IFRD1: variants seen among roughly 807,000 people sequenced by gnomAD.
IFRD1 encodes interferon related developmental regulator 1.
Under a neutral mutation model 52.9 loss-of-function variants are expected in IFRD1, and 35 were observed. That is an observed-to-expected ratio of 0.66 (90% CI 0.51 to 0.88). IFRD1 has a LOEUF of 0.88. IFRD1 is among the 40% of genes least tolerant of loss of function. The pLI is 0.00. For missense variants in IFRD1, 517 were observed against 550.8 expected, an observed-to-expected ratio of 0.94 and a Z score of 0.61; for synonymous variants, 184 against 188.4, an observed-to-expected ratio of 0.98 and a Z score of 0.19.
At chr7:112,469,773 C>T (rs1274997371) in intron 9 of IFRD1, among the ~76,000 whole-genome samples, 1 of 152,148 alleles carries the variant, frequency 6.6e-6, no homozygotes, top group Non-Finnish European at 1.5e-5. Context: ...TATTAACAGC[C>T]CTTTGTTGTG....
intron 1 of IFRD1, chr7:112,451,221 C>T (rs1269390752): frequency 6.0e-6 from 1 of 167,072 alleles, no homozygotes; most frequent in Non-Finnish European, 1.3e-5. Flanking sequence ...CCTGGGATGC[C>T]AGACGTCCGG....
intron 1 of IFRD1, among the ~76,000 whole-genome samples, chr7:112,433,066 C>T (rs1004177893): frequency 1.8e-4 from 27 of 152,128 alleles, no homozygotes; most frequent in African/African-American, 6.0e-4. Flanking sequence ...ATGGTTAAAA[C>T]GTGTGGATCA....
intron 8 of IFRD1, among the ~76,000 whole-genome samples, chr7:112,463,944 G>A (rs1393628255): frequency 6.7e-6 from 1 of 149,012 alleles, no homozygotes; most frequent in Non-Finnish European, 1.5e-5. Context: ...ATAACCAGGA[G>A]AACTCATCCA....
chr7:112,466,052 G>A (rs1012339814), intron 8 of IFRD1, among the ~76,000 whole-genome samples: 1 of 151,926 alleles, frequency 6.6e-6, no homozygotes, highest in African/African-American at 2.4e-5. Context: ...TTTTGACCCT[G>A]TTGTGTAGTA....
intron 1 of IFRD1, among the ~76,000 whole-genome samples, chr7:112,451,772 T>A (rs1408955233): frequency 1.3e-5 from 2 of 152,172 alleles, no homozygotes; most frequent in Non-Finnish European, 1.5e-5. Context: ...ATTTAGAAAT[T>A]TAAACAGGAG....
chr7:112,468,458 TAA>T (rs1271513700), intron 9 of IFRD1, among the ~76,000 whole-genome samples: 2 of 152,170 alleles, frequency 1.3e-5, no homozygotes, highest in African/African-American at 2.4e-5. Flanking sequence ...GTGAATTTAA[TAA>T]GTTATTGCCT....
chr7:112,447,059 A>T (rs1795046993), upstream of IFRD1, among the ~76,000 whole-genome samples: 1 of 152,220 alleles, frequency 6.6e-6, no homozygotes, highest in South Asian at 2.1e-4. Flanking sequence ...CCATGACTAA[A>T]GTCATTCAAA....
At chr7:112,449,148 G>A (rs913842208), upstream of IFRD1, among the ~76,000 whole-genome samples, 1 of 152,202 alleles carries the variant, frequency 6.6e-6, no homozygotes, top group Non-Finnish European at 1.5e-5. Context: ...CATGAAACAT[G>A]GATGAAAAGA....
At chr7:112,469,276 A>G (rs2708607) in intron 9 of IFRD1, among the ~76,000 whole-genome samples, 123,735 of 152,120 alleles carry the variant, frequency 0.81, 51,254 homozygotes, top group Middle Eastern at 0.95. Flanking sequence ...ATTCTTATAT[A>G]TACCCTACTT....
chr7:112,430,015 C>A (rs1402206885), intron 1 of IFRD1, among the ~76,000 whole-genome samples: 8 of 152,166 alleles, frequency 5.3e-5, no homozygotes, highest in Non-Finnish European at 1.5e-5. Context: ...TTATCCTCTC[C>A]ATGTCTGTTC....
At chr7:112,454,857 GTTTTTTTTT>G (rs398005875) in intron 1 of IFRD1, among the ~76,000 whole-genome samples, 3 of 78,808 alleles carry the variant, frequency 3.8e-5, no homozygotes, top group Admixed American at 1.8e-4. Context: ...CTTCATATCA[GTTTTTTTTT>G]TTTTTTTTTT....
At chr7:112,454,185 A>G (rs1795231358) in intron 1 of IFRD1, among the ~76,000 whole-genome samples, 1 of 152,168 alleles carries the variant, frequency 6.6e-6, no homozygotes, top group African/African-American at 2.4e-5. Context: ...TTTTTTTAGT[A>G]ACAGCATTGG....
At chr7:112,451,377 C>T (rs6978173) in intron 1 of IFRD1, among the ~76,000 whole-genome samples, 51 of 152,286 alleles carry the variant, frequency 3.3e-4, no homozygotes, top group African/African-American at 1.2e-3. Flanking sequence ...CTTTCTCCCC[C>T]CTAGGCTGTG....
rs1795135144 is a variant in IFRD1 at position 112,450,737 on chromosome 7, G to GGCGGCGGCGGGTCAGGAGCAGCC, written c.52_74dup (p.Thr27AlafsTer33). 6 of 1,611,884 alleles carry GGCGGCGGCGGGTCAGGAGCAGCC rather than the reference G, an allele frequency of 3.7e-6. No individual in the cohort carries two copies. The highest frequency in any genetic ancestry group is 5.1e-6 in the Non-Finnish European group (6 of 1,179,484). ...CACTCCCCACCGCGGTAGCAGTGCT[G>GGCGGCGGCGGGTCAGGAGCAGCC]GCGGCGGCGGGTCAGGAGCAGCCGC... On this transcript the variant is annotated frameshift_variant, in exon 1 of 12. Transcript: ENST00000403825. LOFTEE classifies it high-confidence loss of function.
At chr7:112,436,386 C>T (rs187910035) in intron 1 of IFRD1, among the ~76,000 whole-genome samples, 3 of 152,206 alleles carry the variant, frequency 2.0e-5, no homozygotes, top group Admixed American at 2.0e-4. Flanking sequence ...ACACCCAGAG[C>T]AGCAGTGATG....
chr7:112,452,446 A>G (rs1362574364), intron 1 of IFRD1: 2 of 983,076 alleles, frequency 2.0e-6, no homozygotes, highest in East Asian at 2.3e-4. Context: ...TGGTCTGAGG[A>G]TATTTCTTAC....
intron 4 of IFRD1, 96 bp downstream of exon 4, chr7:112,457,134 C>G: frequency 7.7e-7 from 1 of 1,295,338 alleles, no homozygotes; most frequent in Non-Finnish European, 1.1e-6. Context: ...GAACACTGGC[C>G]CACTCTTAAA....
intron 1 of IFRD1, among the ~76,000 whole-genome samples, chr7:112,423,853 T>G (rs1416182839): frequency 6.6e-6 from 1 of 152,198 alleles, no homozygotes. Context: ...GGATTTATCA[T>G]GTACATCTGG....
intron 8 of IFRD1, chr7:112,467,701 T>C (rs1795645028): frequency 2.5e-6 from 1 of 405,914 alleles, no homozygotes; most frequent in Non-Finnish European, 4.6e-6. Context: ...TAATGTCTTA[T>C]ATATGGTGGG....
Sources: gnomAD v4.1 joint callset for allele counts (sites outside exome capture counted in the v4.1 genomes callset) on GRCh38, gnomAD v4.1.1 for gene constraint, MANE v1.5 for transcripts, NCBI Gene and HGNC (gene_info 2026-07-23, HGNC 2026-07-21) for gene names.